Variants in ST7L observed in about 807,000 individuals in gnomAD.
The protein encoded by ST7L is suppressor of tumorigenicity 7 protein-like.
Under a neutral mutation model 72.5 loss-of-function variants are expected in ST7L, and 57 were observed. That is an observed-to-expected ratio of 0.79 (90% CI 0.64 to 0.98). The LOEUF (loss-of-function observed/expected upper bound fraction) is 0.98. ST7L is among the 50% of genes least tolerant of loss of function. The pLI, the probability that ST7L is intolerant of heterozygous loss-of-function variation, is 0.00. For synonymous variants in ST7L, 221 were observed against 240.9 expected (o/e 0.92, Z 0.77); for missense variants, 576 against 672.2 (o/e 0.86, Z 1.58).
chr1:112,578,037 C>T (rs1415502560), intron 10 of ST7L, among the ~76,000 whole-genome samples: 1 of 152,202 alleles, frequency 6.6e-6, no homozygotes, highest in Non-Finnish European at 1.5e-5. Flanking sequence ...GCACTTACCA[C>T]ACATAATCCT....
chr1:112,602,705 TTTTC>T (rs1485436095), intron 3 of ST7L, among the ~76,000 whole-genome samples: 3 of 148,618 alleles, frequency 2.0e-5, no homozygotes, highest in Admixed American at 1.4e-4. Flanking sequence ...CTGGCAGACA[TTTTC>T]TTTCTTTTTT....
At chr1:112,596,027 G>T (rs1371824515) in intron 5 of ST7L, among the ~76,000 whole-genome samples, 2 of 152,132 alleles carry the variant, frequency 1.3e-5, no homozygotes, top group African/African-American at 4.8e-5. Context: ...TCTGTGAGAG[G>T]GGCTGTGAGA....
chr1:112,539,620 C>T, intron 14 of ST7L: 9 of 847,098 alleles, frequency 1.1e-5, no homozygotes, highest in Non-Finnish European at 1.3e-5. Flanking sequence ...CACGCCATTG[C>T]ACTCTAGTCT....
At position 112,618,884 on chromosome 1, in the gene ST7L, G is replaced by A. The variant is rs887343892; in HGVS notation, c.205+25C>T. 14 of 1,548,138 alleles carry A rather than the reference G, an allele frequency of 9.0e-6. No individual in the cohort carries two copies. In the African/African-American group the frequency reaches 1.4e-4, roughly 15 times the overall value. On this transcript the variant is annotated intron_variant, in intron 1 of 14. Coordinates refer to ENST00000358039, the MANE Select transcript of ST7L (RefSeq NM_017744.5). ...GACATCTCTCCTGGCCCCCCGCCCT[G>A]CCCCAGGAGGTCTGGTCCTCTCACC...
intron 11 of ST7L, 135 bp downstream of exon 11, chr1:112,576,851 G>T: frequency 1.7e-6 from 1 of 573,482 alleles, no homozygotes; most frequent in Non-Finnish European, 3.0e-6. Context: ...CCTGTAAGGT[G>T]AATAATAAGC....
chr1:112,604,976 A>G (rs1667983249), intron 3 of ST7L, among the ~76,000 whole-genome samples: 1 of 150,358 alleles, frequency 6.7e-6, no homozygotes, highest in Non-Finnish European at 1.5e-5. Flanking sequence ...AATCCCAGCT[A>G]CTCGGGAGGC....
chr1:112,579,013 T>C (rs1415689318), intron 9 of ST7L, among the ~76,000 whole-genome samples: 5 of 152,182 alleles, frequency 3.3e-5, no homozygotes, highest in Non-Finnish European at 7.3e-5. Context: ...AAAATAATGA[T>C]ATTTTCTGAC....
At position 112,540,915 on chromosome 1, in the gene ST7L, A is replaced by G. The variant is rs754862070; in HGVS notation, c.1629+1036T>C. ...ATGTACAAGAAAGATGCATTTTTAA[A>G]AAGGCTTGGAGACTTAAAGGCAATT... On this transcript the variant is annotated intron_variant, in intron 14 of 14. Transcript: ENST00000358039. The G allele has an allele frequency of 2.3e-5, 27 of 1,175,610 alleles. No homozygotes were observed. In the South Asian group the frequency reaches 3.5e-4, roughly 15 times the overall value. 72.8% of individuals were successfully genotyped at this position (1,175,610 alleles called of 1,614,324 possible).
rs1429250784 is a variant in ST7L at position 112,524,773 on chromosome 1, T to G, written c.*1240A>C. On this transcript the variant is annotated 3_prime_UTR_variant, in exon 15 of 15. Coordinates refer to ENST00000358039, the MANE Select transcript of ST7L (RefSeq NM_017744.5). ...GAGGTTACACACACACACACAGAGG[T>G]GTACATATACAGACACATAGAGAAC... 1.3e-5 allele frequency: 2 copies of G among 151,814 alleles called. No homozygotes were observed. The highest frequency in any genetic ancestry group is 4.8e-5 in the African/African-American group (2 of 41,272). 9.4% of individuals were successfully genotyped at this position (151,814 alleles called of 1,614,324 possible).
intron 12 of ST7L, among the ~76,000 whole-genome samples, chr1:112,553,511 T>G (rs548263527): frequency 1.3e-5 from 2 of 152,306 alleles, no homozygotes; most frequent in East Asian, 3.9e-4. Flanking sequence ...CTTAAAAAAT[T>G]TATGTTCTGA....
chr1:112,587,276 T>C (rs1244430585), intron 6 of ST7L, among the ~76,000 whole-genome samples: 1 of 152,214 alleles, frequency 6.6e-6, no homozygotes, highest in African/African-American at 2.4e-5. Context: ...AAAAGACTAT[T>C]CTTTCCTCCA....
intron 1 of ST7L, chr1:112,618,419 T>C (rs954030966): frequency 1.2e-4 from 30 of 254,210 alleles, no homozygotes; most frequent in African/African-American, 6.2e-4. Flanking sequence ...AACAGAACTA[T>C]TTTAAAACAA....
intron 14 of ST7L, among the ~76,000 whole-genome samples, chr1:112,537,059 G>A (rs766224841): frequency 4.6e-5 from 7 of 151,602 alleles, no homozygotes; most frequent in Middle Eastern, 3.2e-3. Flanking sequence ...GCAGCGACGC[G>A]ATCTCGGCTC....
intron 5 of ST7L, among the ~76,000 whole-genome samples, chr1:112,595,469 G>A (rs1024906280): frequency 6.6e-6 from 1 of 150,686 alleles, no homozygotes; most frequent in Non-Finnish European, 1.5e-5. Context: ...CCCTCAGGCT[G>A]CAGTGCAGCA....
chr1:112,578,878 A>G (rs904666860), intron 9 of ST7L, among the ~76,000 whole-genome samples: 1 of 152,256 alleles, frequency 6.6e-6, no homozygotes, highest in African/African-American at 2.4e-5. Flanking sequence ...TGAAAAATCT[A>G]TAATATAGTA....
chr1:112,618,797 A>G (rs1049572461), intron 1 of ST7L, 112 bp downstream of exon 1: 28 of 1,458,784 alleles, frequency 1.9e-5, no homozygotes, highest in Non-Finnish European at 6.4e-6. Context: ...ATCGCTCATC[A>G]TCGACTCCTC....
chr1:112,521,128 ATTCTCTCTTT>A (rs1652845909), downstream of ST7L: 2 of 153,100 alleles, frequency 1.3e-5, no homozygotes, highest in Non-Finnish European at 2.9e-5. Context: ...ACACACATTC[ATTCTCTCTTT>A]TTCTCTCTAC....
chr1:112,540,607 A>T, intron 14 of ST7L: 2 of 985,456 alleles, frequency 2.0e-6, no homozygotes, highest in Non-Finnish European at 2.4e-6. Context: ...TTAACACATT[A>T]TATGGTTGAC....
intron 11 of ST7L, among the ~76,000 whole-genome samples, chr1:112,556,966 C>CAA (rs60106072): frequency 4.1e-3 from 201 of 49,154 alleles, no homozygotes; most frequent in Non-Finnish European, 5.7e-3. Context: ...GACTCTGTCT[C>CAA]AAAAAAAAAA....
Sources: gnomAD v4.1 joint callset for allele counts (sites outside exome capture counted in the v4.1 genomes callset) on GRCh38, gnomAD v4.1.1 for gene constraint, MANE v1.5 for transcripts, NCBI Gene and HGNC (gene_info 2026-07-23, HGNC 2026-07-21) for gene names.